Variants in APOB observed in about 807,000 individuals in gnomAD.
APOB encodes the protein apolipoprotein B.
A neutral mutation model predicts 314.1 loss-of-function variants in APOB; 153 were observed. That is an observed-to-expected ratio of 0.49 (90% CI 0.43 to 0.56). The LOEUF is 0.56. Ranked by LOEUF, APOB falls within the 20% of genes least tolerant of loss-of-function variation. The pLI, the probability that APOB is intolerant of heterozygous loss-of-function variation, is 0.00. For synonymous variants in APOB, 2,087 were observed against 2,036.4 expected, an observed-to-expected ratio of 1.02 and a Z score of -0.67; for missense variants, 5,430 against 5,350.7, an observed-to-expected ratio of 1.01 and a Z score of -0.46.
intron 15 of APOB, among the ~76,000 whole-genome samples, chr2:21,025,754 A>C (rs1466944745): frequency 2.6e-5 from 4 of 152,230 alleles, no homozygotes; most frequent in Non-Finnish European, 5.9e-5. Context: ...GCAAAGTTGA[A>C]TGTGCATACA....
rs202132306 is a variant in APOB, at chr2:21,019,706, C to G, written c.2999+17G>C. 2.1e-5 allele frequency: 34 copies of G among 1,613,260 alleles called. 1 individual carries two copies. The East Asian group carries it at 7.6e-4, about 36-fold the overall frequency. On this transcript the variant is annotated intron_variant, in intron 19 of 28. Transcript: ENST00000233242. The stretch of plus-strand genomic sequence containing the variant: ...GAAGGTGAGAAAATGCTGGGTCAGG[C>G]ACTGAGCATCTCTAACCTGGTGTCC...
Position 21,009,847 on chromosome 2 carries a change from C to G in APOB, c.7021G>C (p.Val2341Leu), listed in dbSNP as rs774702346. ...TCATACCTCTCGATTAACTCATGGA[C>G]TTTGGCTCTGAAGGCATTGATTTTC... ...AEKINAFRAK[V>L]HELIERYEVD... Residue 2341 changes from valine (V) to leucine (L), a missense_variant, in exon 26 of 29, where the codon GTC becomes CTC. Val to Leu is a conservative substitution (Grantham distance 32). Transcript: ENST00000233242. 12 of 1,613,928 alleles carry G rather than the reference C, an allele frequency of 7.4e-6. No homozygotes were observed. Among genetic ancestry groups the G allele is most frequent in the Non-Finnish European group, 7.6e-6 (9 of 1,179,982 alleles).
rs747704692 is a variant in APOB, at chr2:21,010,755, T to C, written c.6113A>G (p.Asp2038Gly). 1 of 1,614,140 alleles carries C rather than the reference T, an allele frequency of 6.2e-7. No homozygotes were observed. Among genetic ancestry groups the C allele is most frequent in the Admixed American group, 1.7e-5 (1 of 60,020 alleles). Reference sequence around the variant, plus strand: ...AACGGCATCTCTCATCTCTAAAGCATCAATGATATTGATGGGCTCACTGAG... The same window carrying C: ...AACGGCATCTCTCATCTCTAAAGCACCAATGATATTGATGGGCTCACTGAG... Reference protein sequence around the residue: ...LLLSEPINIIDALEMRDAVEK... With the variant: ...LLLSEPINIIGALEMRDAVEK... The change falls in exon 26 of 29, where the codon GAT becomes GGT. Residue 2038 changes from aspartate (D) to glycine (G), a missense_variant. Transcript: ENST00000233242.
rs878988612 is a variant in APOB at position 21,042,543 on chromosome 2, G to A, written c.122-67C>T. On this transcript the variant is annotated intron_variant, in intron 2 of 28. Coordinates refer to ENST00000233242, the MANE Select transcript of APOB (RefSeq NM_000384.3). Reference sequence around the variant, plus strand: ...CTCTCCCAAGGACAGCCAATTCTGGGCAGAGAGGGGCAGTGGCATAGAGAA... The same window carrying A: ...CTCTCCCAAGGACAGCCAATTCTGGACAGAGAGGGGCAGTGGCATAGAGAA... 3.4e-5 allele frequency: 36 copies of A among 1,069,120 alleles called. No individual in the cohort carries two copies. In the South Asian group the frequency reaches 4.1e-4, roughly 12 times the overall value. 66.2% of individuals were successfully genotyped at this position (1,069,120 alleles called of 1,614,324 possible). A position where few individuals can be genotyped will look rare whatever the true frequency, so the allele number is the denominator to read the frequency against.
At chr2:21,039,587 T>A (rs1664085004) in intron 4 of APOB, among the ~76,000 whole-genome samples, 1 of 152,382 alleles carries the variant, frequency 6.6e-6, no homozygotes, top group South Asian at 2.1e-4. Flanking sequence ...ATGATGGGTA[T>A]GCTAATTACT....
At chr2:21,032,647 G>A (rs1663909807) in intron 9 of APOB, 66 bp from the exon 10 acceptor site, 2 of 1,285,670 alleles carry the variant, frequency 1.6e-6, no homozygotes, top group Non-Finnish European at 2.2e-6. Flanking sequence ...ATTGCTCATG[G>A]TGTGTCCTCT....
intron 3 of APOB, among the ~76,000 whole-genome samples, chr2:21,042,102 T>C (rs749997128): frequency 1.3e-5 from 2 of 152,232 alleles, no homozygotes; most frequent in Non-Finnish European, 2.9e-5. Flanking sequence ...AGATCATGGA[T>C]TCCTATTGCA....
chr2:21,024,628 A>T (rs543972269), intron 16 of APOB: 1 of 524,488 alleles, frequency 1.9e-6, no homozygotes, highest in South Asian at 3.1e-5. Context: ...TTAAAAAAAT[A>T]AAAATAAAAA....
At chr2:21,043,355 G>A (rs1404163717) in intron 2 of APOB, among the ~76,000 whole-genome samples, 158 bp downstream of exon 2, 4 of 151,984 alleles carry the variant, frequency 2.6e-5, no homozygotes, top group South Asian at 4.1e-4. Context: ...CATCCCTTGG[G>A]TGTGGGCAGA....
Position 21,004,303 on chromosome 2 carries a change from T to A in APOB, c.12053A>T (p.Asp4018Val), listed in dbSNP as rs771555558. Reference protein sequence around the residue: ...TVGMDMDEDDDFSKWNFYYSP... With the variant: ...TVGMDMDEDDVFSKWNFYYSP... Reference sequence around the variant, plus strand: ...GTAGTAGAAGTTCCATTTAGAAAAGTCGTCATCTTCATCCATATCCATGCC... The same window carrying A: ...GTAGTAGAAGTTCCATTTAGAAAAGACGTCATCTTCATCCATATCCATGCC... Residue 4018 changes from aspartate to valine, a missense_variant, in exon 28 of 29, where the codon GAC (aspartate) becomes GTC (valine). Coordinates refer to ENST00000233242, the MANE Select transcript of APOB (RefSeq NM_000384.3). 5.6e-6 allele frequency: 9 copies of A among 1,613,826 alleles called. No individual in the cohort carries two copies. The highest frequency in any genetic ancestry group is 1.3e-5 in the African/African-American group (1 of 74,882).
intron 17 of APOB, 145 bp downstream of exon 17, chr2:21,023,379 GT>G: frequency 2.0e-6 from 2 of 989,216 alleles, no homozygotes; most frequent in South Asian, 2.8e-5. Flanking sequence ...GAAGCTTGAA[GT>G]TTTTCATAAA....
At position 21,007,912 on chromosome 2, in the gene APOB, G is replaced by A. The variant is rs1472048923; in HGVS notation, c.8956C>T (p.Leu2986Phe). The A allele has an allele frequency of 8.1e-6, 13 of 1,614,070 alleles. No individual in the cohort carries two copies. The South Asian group carries it at 8.8e-5, about 11-fold the overall frequency. Residue 2986 changes from leucine to phenylalanine, a missense_variant, in exon 26 of 29, where the codon CTT becomes TTT. This residue lies in a region of APOB where 3,281 missense variants were observed against 3,171.0 expected (regional missense o/e 1.03). Transcript: ENST00000233242. Reference sequence around the variant, plus strand: ...GAATCGACTTGTGATTGAATTTCAAGTTTAGAAAAGTTGAGGGAGCCAGAT... The same window carrying A: ...GAATCGACTTGTGATTGAATTTCAAATTTAGAAAAGTTGAGGGAGCCAGAT... The part of the protein sequence containing the change: ...YESGSLNFSK[L>F]EIQSQVDSQH...
In APOB at chr2:21,008,998, A is replaced by T; in HGVS notation, c.7870T>A (p.Leu2624Met). 6.2e-7 allele frequency: 1 copy of T among 1,613,992 alleles called. No homozygotes were observed. Among genetic ancestry groups the T allele is most frequent in the Non-Finnish European group, 8.5e-7 (1 of 1,179,918 alleles). ...TPDFIVPLTD[L>M]RIPSVQINFK... ...TTTATCTGAACTGATGGAATCCTCA[A>T]ATCTGTTAGGGGGACTATAAAATCA... Residue 2624 changes from leucine to methionine, a missense_variant, in exon 26 of 29, where the codon TTG becomes ATG. Leu to Met is a conservative substitution (Grantham distance 15). Around this residue, in one of 3 missense-constraint regions of APOB, gnomAD observed 3,281 missense variants for 3,171.0 expected, o/e 1.03. Coordinates refer to ENST00000233242, the MANE Select transcript of APOB (RefSeq NM_000384.3).
rs1356331998 is a variant in APOB at position 21,022,849 on chromosome 2, A to G, written c.2798T>C (p.Val933Ala). ...GAATTACCCTCCACTGAGCAGCTTGACTGGTCTCTTTGGGGAAGGAATGAT... is the reference window on the plus strand; with the variant it reads ...GAATTACCCTCCACTGAGCAGCTTGGCTGGTCTCTTTGGGGAAGGAATGAT... ...KFIIPSPKRP[V>A]KLLSGGNTLH... The change falls in exon 18 of 29, where the codon GTC becomes GCC. Residue 933 changes from valine to alanine, a missense_variant. Coordinates refer to ENST00000233242, the MANE Select transcript of APOB (RefSeq NM_000384.3). The G allele has an allele frequency of 6.2e-7, 1 of 1,614,108 alleles. No homozygotes were observed. Among genetic ancestry groups the G allele is most frequent in the Admixed American group, 1.7e-5 (1 of 60,008 alleles).
chr2:21,037,277 C>T lies in APOB; in HGVS notation c.538-22G>A, dbSNP rs368860702. On this transcript the variant is annotated intron_variant, in intron 5 of 28. Coordinates refer to ENST00000233242, the MANE Select transcript of APOB (RefSeq NM_000384.3). ...TATCCTATGGAGGAAGAAGATGCAA[C>T]CACATGTATTCAACACGGGCAACAT... 40 of 1,613,274 alleles carry T rather than the reference C, an allele frequency of 2.5e-5. No individual in the cohort carries two copies. The African/African-American group carries it at 4.4e-4, about 18-fold the overall frequency.
chr2:21,010,425 T>C lies in APOB; in HGVS notation c.6443A>G (p.Lys2148Arg). ...TATATCATTTTCTGTAATTCTATAC[T>C]TTTTTGTGAGAGCAGTCAGTTTCTC... ...AKEKLTALTK[K>R]YRITENDIQI... The change falls in exon 26 of 29, where the codon AAG becomes AGG. Residue 2148 changes from lysine to arginine, a missense_variant. This residue lies in a region of APOB where 3,281 missense variants were observed against 3,171.0 expected (regional missense o/e 1.03). Transcript: ENST00000233242. The C allele has an allele frequency of 1.2e-6, 2 of 1,603,004 alleles. No homozygotes were observed. The highest frequency in any genetic ancestry group is 2.7e-5 in the African/African-American group (2 of 74,802).
At chr2:21,019,657 G>T in intron 19 of APOB, 66 bp downstream of exon 19, 2 of 1,507,736 alleles carry the variant, frequency 1.3e-6, no homozygotes. Flanking sequence ...TTTTTCCTGT[G>T]CCATGCTAGG....
intron 15 of APOB, among the ~76,000 whole-genome samples, chr2:21,025,397 C>A (rs531430364): frequency 6.6e-6 from 1 of 152,286 alleles, no homozygotes; most frequent in East Asian, 1.9e-4. Context: ...GGTCCCTATT[C>A]TCCAGTATGC....
rs976430705 is a variant in APOB, at chr2:21,032,412, T to C, written c.1294A>G (p.Met432Val). Residue 432 changes from methionine to valine, a missense_variant, in exon 10 of 29, where the codon ATG becomes GTG. This residue lies in a region of APOB where 2,085 missense variants were observed against 2,079.7 expected (regional missense o/e 1.00). Coordinates refer to ENST00000233242, the MANE Select transcript of APOB (RefSeq NM_000384.3). ...SAQQLREIFNMARDQRSRATL... is the reference protein window; with the variant it reads ...SAQQLREIFNVARDQRSRATL... ...GCTCGGCTGCGCTGATCCCTCGCCA[T>C]GTTGAAGATCTCTCGCAGCTGCTGT... The C allele has an allele frequency of 6.2e-7, 1 of 1,614,088 alleles. No individual in the cohort carries two copies. Among genetic ancestry groups the C allele is most frequent in the Non-Finnish European group, 8.5e-7 (1 of 1,180,046 alleles).
Sources: allele counts gnomAD v4.1 joint callset (sites outside exome capture counted in the v4.1 genomes callset), GRCh38; gene constraint gnomAD v4.1.1; regional missense constraint gnomAD v4.1.1; transcripts MANE v1.5; gene names NCBI Gene and HGNC (gene_info 2026-07-23, HGNC 2026-07-21).